Variants in SPIRE2 observed in about 807,000 individuals in gnomAD.
SPIRE2 encodes the protein protein spire homolog 2.
SPIRE2 carries 76 observed loss-of-function variants against 80.7 expected under a neutral mutation model. That is an observed-to-expected ratio of 0.94 (90% confidence interval 0.78 to 1.14). The LOEUF is 1.14. Ranked by LOEUF, SPIRE2 falls within the 50% of genes most tolerant of loss-of-function variation. The pLI, the probability that SPIRE2 is intolerant of heterozygous loss-of-function variation, is 0.00. For missense variants in SPIRE2, 1,196 were observed against 1,015.3 expected (o/e 1.18, Z -2.42); for synonymous variants, 535 against 432.6 (o/e 1.24, Z -2.94).
At chr16:89,844,717 C>T (rs968446058) in intron 1 of SPIRE2, among the ~76,000 whole-genome samples, 1 of 152,180 alleles carries the variant, frequency 6.6e-6, no homozygotes, top group Admixed American at 6.5e-5. Flanking sequence ...GGATTACAGG[C>T]GTGAGCCACC....
intron 1 of SPIRE2, among the ~76,000 whole-genome samples, chr16:89,842,113 G>A (rs899195039): frequency 1.3e-5 from 2 of 151,712 alleles, no homozygotes; most frequent in Non-Finnish European, 2.9e-5. Context: ...GGCCTCTGTC[G>A]GCCCCCAAGT....
intron 1 of SPIRE2, chr16:89,836,129 T>A (rs1054681857): frequency 8.9e-6 from 4 of 448,788 alleles, no homozygotes; most frequent in African/African-American, 4.0e-5. Flanking sequence ...GAGTCGAGAT[T>A]GCGCCACTGC....
In SPIRE2 at chr16:89,828,871, C is replaced by T. The variant is rs946736614; in HGVS notation, c.244+77C>T. ...CCCGCCCCCTGGGTGGGGGTGGTCC[C>T]GGCGGAGAGGCTGCGACCGGTTCTG... On this transcript the variant is annotated intron_variant, in intron 1 of 14. Coordinates refer to ENST00000378247, the MANE Select transcript of SPIRE2 (RefSeq NM_032451.2). This position sits in a 1 kb window ranked among gnomAD's most constrained non-coding sequence, Gnocchi z 5.9. 9 of 1,109,076 alleles carry T rather than the reference C, an allele frequency of 8.1e-6. No homozygotes were observed. In the African/African-American group the frequency reaches 1.5e-4, roughly 18 times the overall value. The allele number at this position is 1,109,076 out of a possible 1,614,324, so 68.7% of individuals were successfully genotyped here. A position where few individuals can be genotyped will look rare whatever the true frequency, so the allele number is the denominator to read the frequency against.
chr16:89,837,661 G>A (rs2041462916), intron 1 of SPIRE2, among the ~76,000 whole-genome samples: 1 of 152,182 alleles, frequency 6.6e-6, no homozygotes, highest in Non-Finnish European at 1.5e-5. Context: ...CAGTTCTGTG[G>A]CCAACACACG....
chr16:89,829,873 C>T (rs1171693708), intron 1 of SPIRE2, among the ~76,000 whole-genome samples: 1 of 151,474 alleles, frequency 6.6e-6, no homozygotes, highest in Non-Finnish European at 1.5e-5. Flanking sequence ...TGTGGCGTCC[C>T]TCAGGGCTGT....
At chr16:89,848,161 C>T (rs993679332) in intron 2 of SPIRE2, among the ~76,000 whole-genome samples, 2 of 152,238 alleles carry the variant, frequency 1.3e-5, no homozygotes. Context: ...CCTCACACCC[C>T]GCCCTCTGTC....
At position 89,870,098 on chromosome 16, in the gene SPIRE2, C is replaced by T. The variant is rs763291376; in HGVS notation, c.1971C>T (p.His657=). The T allele has an allele frequency of 4.3e-6, 7 of 1,613,668 alleles. No individual in the cohort carries two copies. The highest frequency in any genetic ancestry group is 1.1e-5 in the South Asian group (1 of 90,938). Residue 657 remains histidine (H), a synonymous_variant, in exon 15 of 15, where the codon CAC becomes CAT. Coordinates refer to ENST00000378247, the MANE Select transcript of SPIRE2 (RefSeq NM_032451.2). ...QWQSVEEAFP[H]IYSHGCVLKD... The stretch of plus-strand genomic sequence containing the variant: ...AGAGCGTGGAGGAGGCGTTCCCCCA[C>T]ATCTACTCCCACGGCTGTGTCCTGA...
rs1433522182 is a variant in SPIRE2, at chr16:89,870,273, C to T, written c.*1C>T. 1.1e-5 allele frequency: 18 copies of T among 1,586,464 alleles called. No homozygotes were observed. Among genetic ancestry groups the T allele is most frequent in the East Asian group, 2.3e-5 (1 of 44,086 alleles). On this transcript the variant is annotated 3_prime_UTR_variant, in exon 15 of 15. Coordinates refer to ENST00000378247, the MANE Select transcript of SPIRE2 (RefSeq NM_032451.2). ...CACCAGGACTCTTGACTTCAAGTGA[C>T]AGCCCCAGGTGGCCAGGCCTCCAGG...
intron 12 of SPIRE2, among the ~76,000 whole-genome samples, chr16:89,865,539 A>G (rs1291146580): frequency 6.6e-6 from 1 of 152,330 alleles, no homozygotes; most frequent in East Asian, 1.9e-4. Flanking sequence ...GTAGGAAAAG[A>G]AGGAGAACAA....
chr16:89,856,052 G>C, intron 6 of SPIRE2, 61 bp from the exon 7 acceptor site: 1 of 1,588,750 alleles, frequency 6.3e-7, no homozygotes, highest in Admixed American at 1.7e-5. Context: ...CCCCACCGCA[G>C]GTCCCGCTTC....
In SPIRE2 at chr16:89,859,125, G is replaced by A. The variant is rs754483220; in HGVS notation, c.1273-40G>A. Reference sequence around the variant, plus strand: ...CCAGGCATGGGCAGGAGGCACTGGCGGGCATTGTCAGGGCAGGGCCGCGTC... The same window carrying A: ...CCAGGCATGGGCAGGAGGCACTGGCAGGCATTGTCAGGGCAGGGCCGCGTC... On this transcript the variant is annotated intron_variant, in intron 8 of 14. Coordinates refer to ENST00000378247, the MANE Select transcript of SPIRE2 (RefSeq NM_032451.2). 1.7e-4 allele frequency: 248 copies of A among 1,485,920 alleles called. No homozygotes were observed. The East Asian group carries it at 5.1e-3, about 30-fold the overall frequency. The allele number at this position is 1,485,920 out of a possible 1,614,324, so 92.0% of individuals were successfully genotyped here.
At chr16:89,832,748 C>T (rs987531415) in intron 1 of SPIRE2, among the ~76,000 whole-genome samples, 2 of 152,272 alleles carry the variant, frequency 1.3e-5, no homozygotes, top group East Asian at 1.9e-4. Flanking sequence ...CATCCAGGGG[C>T]GTTTGCAGAG....
chr16:89,844,838 A>G (rs904234714), intron 1 of SPIRE2, among the ~76,000 whole-genome samples: 1 of 152,124 alleles, frequency 6.6e-6, no homozygotes, highest in Non-Finnish European at 1.5e-5. Flanking sequence ...CCACCTCGGC[A>G]TCTCAAAGTG....
chr16:89,835,053 C>T (rs955794743), intron 1 of SPIRE2, among the ~76,000 whole-genome samples: 4 of 150,024 alleles, frequency 2.7e-5, no homozygotes, highest in African/African-American at 5.0e-5. Flanking sequence ...AAGCATAGCC[C>T]GTGTGAATCT....
intron 3 of SPIRE2, 21 bp downstream of exon 3, chr16:89,850,681 A>C (rs1372974585): frequency 2.3e-6 from 2 of 859,254 alleles, no homozygotes; most frequent in Non-Finnish European, 3.1e-6. Flanking sequence ...GGTGGGGGCG[A>C]CCGTGGAGGG....
At chr16:89,843,321 G>A (rs914528261) in intron 1 of SPIRE2, among the ~76,000 whole-genome samples, 1 of 152,164 alleles carries the variant, frequency 6.6e-6, no homozygotes. Flanking sequence ...CAGCTCCAGC[G>A]TGAGCACCGG....
intron 12 of SPIRE2, 70 bp from the exon 13 acceptor site, chr16:89,868,119 A>C (rs541274762): frequency 1.3e-6 from 2 of 1,570,022 alleles, no homozygotes; most frequent in Non-Finnish European, 1.8e-6. Flanking sequence ...GGAGGCCGGG[A>C]TGCGACTGTT....
rs546227336 is a variant in SPIRE2 at position 89,861,648 on chromosome 16, G to C, written c.1575+853G>C. Among the ~76,000 whole-genome samples the C allele has an allele frequency of 3.9e-5, 6 of 152,338 alleles. No homozygotes were observed. In the South Asian group the frequency reaches 1.2e-3, roughly 32 times the overall value. On this transcript the variant is annotated intron_variant, in intron 10 of 14. Transcript: ENST00000378247. ...GGGTTGGGACTCCGGCAGTGTCTTA[G>C]CTGTGTGGCCATGGCTCAGGGTCTT...
At chr16:89,835,868 G>A (rs888735751) in intron 1 of SPIRE2, among the ~76,000 whole-genome samples, 3 of 152,060 alleles carry the variant, frequency 2.0e-5, no homozygotes, top group Admixed American at 2.0e-4. Flanking sequence ...AGGAGTGCGT[G>A]GGAGTAGTTT....
Sources: gnomAD v4.1 joint callset for allele counts (sites outside exome capture counted in the v4.1 genomes callset) on GRCh38, gnomAD v4.1.1 for gene constraint, Gnocchi (gnomAD v3.1) non-coding constraint, MANE v1.5 for transcripts, NCBI Gene and HGNC (gene_info 2026-07-23, HGNC 2026-07-21) for gene names.